The following ETFA variants were observed in gnomAD, a reference collection of about 807,000 sequenced individuals.
ETFA encodes electron transfer flavoprotein subunit alpha, also known as electron transfer flavoprotein subunit alpha, mitochondrial.
A neutral mutation model predicts 46.2 loss-of-function variants in ETFA; 22 were observed. The observed-to-expected ratio is 0.48, with a 90% CI of 0.34 to 0.68. ETFA has a LOEUF of 0.68. ETFA is among the 30% of genes least tolerant of loss of function. The pLI, the probability that ETFA is intolerant of heterozygous loss-of-function variation, is 0.01. For missense variants in ETFA, 345 were observed against 401.1 expected (o/e 0.86, Z 1.19); for synonymous variants, 131 against 139.9 (o/e 0.94, Z 0.45).
At chr15:76,268,590 T>G (rs1230590622) in intron 9 of ETFA, among the ~76,000 whole-genome samples, 1 of 152,182 alleles carries the variant, frequency 6.6e-6, no homozygotes, top group Non-Finnish European at 1.5e-5. Context: ...TCTACCCTTC[T>G]ACCCTAAATA....
At position 76,216,228 on chromosome 15, in the gene ETFA, T is replaced by A. The variant is rs368489298; in HGVS notation, c.*331A>T. 9 of 177,112 alleles carry A rather than the reference T, an allele frequency of 5.1e-5. No individual in the cohort carries two copies. The highest frequency in any genetic ancestry group is 2.5e-4 in the South Asian group (3 of 11,780). The allele number at this position is 177,112 out of a possible 1,614,324, so 11.0% of individuals were successfully genotyped here. ...TCCATGAACAAGAAAGGCAAAAAAA[T>A]AAATAAATAAACAAAATTTTTACTC... is the stretch of plus-strand genomic sequence containing the variant. On this transcript the variant is annotated 3_prime_UTR_variant, in exon 12 of 12. Transcript: ENST00000557943.
intron 8 of ETFA, among the ~76,000 whole-genome samples, chr15:76,280,556 C>A (rs994403003): frequency 2.6e-5 from 4 of 152,150 alleles, no homozygotes; most frequent in Non-Finnish European, 5.9e-5. Flanking sequence ...TTACCCCCTA[C>A]AGCTTATTCA....
intron 2 of ETFA, among the ~76,000 whole-genome samples, chr15:76,293,135 TCAAA>T (rs972147349): frequency 1.6e-4 from 25 of 152,256 alleles, no homozygotes; most frequent in Admixed American, 6.5e-4. Context: ...AAACTCCATC[TCAAA>T]CAAACAAAGA....
chr15:76,256,163 C>T (rs1422041189), intron 9 of ETFA, among the ~76,000 whole-genome samples: 1 of 150,806 alleles, frequency 6.6e-6, no homozygotes. Flanking sequence ...GAGGCTGAGG[C>T]ACCAGAATCA....
In ETFA at chr15:76,238,093, A is replaced by C. The variant is rs117556108; in HGVS notation, c.817-6695T>G. On this transcript the variant is annotated intron_variant, in intron 9 of 11. Transcript: ENST00000557943. ...AAAATATAATACATATGAAGTTGAA[A>C]TTATGTGAGTTTATGATATAAAATC... Among the ~76,000 whole-genome samples, 1,308 of 152,324 alleles carry C rather than the reference A, an allele frequency of 8.6e-3. 40 individuals are homozygous for C. The highest frequency in any genetic ancestry group is 0.059 in the Admixed American group (907 of 15,298).
intron 5 of ETFA, 82 bp from the exon 6 acceptor site, chr15:76,286,563 A>G: frequency 1.2e-6 from 1 of 836,852 alleles, no homozygotes; most frequent in East Asian, 2.6e-5. Flanking sequence ...AATTTACTTC[A>G]CAGACAAGGC....
intron 9 of ETFA, chr15:76,260,658 G>T: frequency 1.3e-6 from 2 of 1,566,174 alleles, no homozygotes; most frequent in Non-Finnish European, 1.8e-6. Context: ...GCCTTCCAAA[G>T]GGCCCTCGGG....
At position 76,274,404 on chromosome 15, in the gene ETFA, A is replaced by G; in HGVS notation, c.816+8T>C. ...ATTTTACACAGCATATTTTATTGCA[A>G]TACTTACTGGTGCTACTATTTTTCC... On this transcript the variant is annotated splice_region_variant and intron_variant, in intron 9 of 11. Coordinates refer to ENST00000557943, the MANE Select transcript of ETFA (RefSeq NM_000126.4). 2 of 1,596,396 alleles carry G rather than the reference A, an allele frequency of 1.3e-6. No individual in the cohort carries two copies. Among genetic ancestry groups the G allele is most frequent in the Non-Finnish European group, 1.7e-6 (2 of 1,166,952 alleles).
At chr15:76,236,459 T>C (rs887673959) in intron 9 of ETFA, among the ~76,000 whole-genome samples, 2 of 152,204 alleles carry the variant, frequency 1.3e-5, no homozygotes, top group Non-Finnish European at 2.9e-5. Flanking sequence ...AAAATAATCA[T>C]AGAACAAACT....
intron 10 of ETFA, among the ~76,000 whole-genome samples, chr15:76,226,800 A>T (rs1316948479): frequency 6.6e-6 from 1 of 152,066 alleles, no homozygotes; most frequent in African/African-American, 2.4e-5. Flanking sequence ...AATGGCGTGA[A>T]CCCAGGAGGC....
chr15:76,284,982 T>C, intron 7 of ETFA: 1 of 324,810 alleles, frequency 3.1e-6, no homozygotes, highest in Non-Finnish European at 5.9e-6. Flanking sequence ...CTTCAAAATA[T>C]TAATTTTTTT....
intron 9 of ETFA, among the ~76,000 whole-genome samples, chr15:76,265,522 G>A (rs950648908): frequency 1.3e-5 from 2 of 152,180 alleles, no homozygotes; most frequent in African/African-American, 2.4e-5. Context: ...TACTGGAGCT[G>A]ATGTCTCTAT....
At chr15:76,289,016 C>T (rs2039730713) in intron 4 of ETFA, among the ~76,000 whole-genome samples, 1 of 150,040 alleles carries the variant, frequency 6.7e-6, no homozygotes, top group African/African-American at 2.4e-5. Flanking sequence ...AACTCCTGGG[C>T]TCAAGAGATT....
rs908636035 is a variant in ETFA, at chr15:76,216,581, G to T, written c.980C>A (p.Thr327Asn). The T allele has an allele frequency of 6.3e-6, 10 of 1,591,132 alleles. No individual in the cohort carries two copies. The highest frequency in any genetic ancestry group is 8.6e-7 in the Non-Finnish European group (1 of 1,159,344). ...ADLFKVVPEM[T>N]EILKKK is the part of the protein sequence containing the mutation. ...GATTCATTTTTTCTTCAATATCTCA[G>T]TCATTTCAGGAACTACCTGCAAATA... The change falls in exon 12 of 12, where the codon ACT becomes AAT. Residue 327 changes from threonine to asparagine, a missense_variant. By Grantham distance (65) the Thr-to-Asn change is moderately conservative. Transcript: ENST00000557943.
chr15:76,227,021 A>G (rs2039011297), intron 10 of ETFA, among the ~76,000 whole-genome samples: 3 of 152,370 alleles, frequency 2.0e-5, no homozygotes, highest in South Asian at 4.1e-4. Context: ...TTATGTACAT[A>G]GCAAATAGAT....
intron 7 of ETFA, 79 bp from the exon 8 acceptor site, chr15:76,283,904 G>A: frequency 2.0e-6 from 2 of 1,016,508 alleles, no homozygotes; most frequent in Non-Finnish European, 3.0e-6. Context: ...TTATATACTG[G>A]AGTAAATTTT....
intron 9 of ETFA, among the ~76,000 whole-genome samples, chr15:76,273,329 G>T (rs989955344): frequency 6.6e-6 from 1 of 152,146 alleles, no homozygotes; most frequent in Admixed American, 6.6e-5. Flanking sequence ...GCCGAGGCAG[G>T]TGGATCACAA....
intron 9 of ETFA, among the ~76,000 whole-genome samples, chr15:76,264,916 G>A (rs1284612427): frequency 6.6e-6 from 1 of 152,218 alleles, no homozygotes; most frequent in Non-Finnish European, 1.5e-5. Context: ...TATGTCCCTG[G>A]TGTAAGAAAG....
intron 9 of ETFA, among the ~76,000 whole-genome samples, chr15:76,234,234 G>C (rs2039100043): frequency 6.6e-6 from 1 of 152,106 alleles, no homozygotes; most frequent in Non-Finnish European, 1.5e-5. Context: ...TAGGGATTTT[G>C]GCGGCTGCTC....
Sources: allele counts gnomAD v4.1 joint callset (sites outside exome capture counted in the v4.1 genomes callset), GRCh38; gene constraint gnomAD v4.1.1; transcripts MANE v1.5; gene names NCBI Gene and HGNC (gene_info 2026-07-23, HGNC 2026-07-21).